RGS7BP: variants seen among roughly 807,000 people sequenced by gnomAD.
RGS7BP encodes regulator of G protein signaling 7 binding protein, also known as regulator of G protein signaling 7-binding protein.
RGS7BP carries 9 observed loss-of-function variants against 31.3 expected under a neutral mutation model. That is an observed-to-expected ratio of 0.29 (90% CI 0.17 to 0.50). The LOEUF (loss-of-function observed/expected upper bound fraction) is 0.50, where lower values mean the gene tolerates loss of function less well. RGS7BP is among the 20% of genes least tolerant of loss of function. RGS7BP has a pLI of 0.98. For missense variants in RGS7BP, 274 were observed against 322.0 expected, an observed-to-expected ratio of 0.85 and a Z score of 1.14; for synonymous variants, 115 against 120.1, an observed-to-expected ratio of 0.96 and a Z score of 0.28.
chr5:64,588,899 C>T (rs952259685), intron 3 of RGS7BP, among the ~76,000 whole-genome samples: 1 of 151,716 alleles, frequency 6.6e-6, no homozygotes, highest in Admixed American at 6.6e-5. Flanking sequence ...AATTGATAAT[C>T]AAGAAAAATA....
At chr5:64,579,549 A>C (rs1322914260) in intron 3 of RGS7BP, among the ~76,000 whole-genome samples, 1 of 147,876 alleles carries the variant, frequency 6.8e-6, no homozygotes. Context: ...ATCTCAAAAA[A>C]AAAAAAAAAA....
intron 2 of RGS7BP, among the ~76,000 whole-genome samples, chr5:64,534,245 G>T (rs1749448298): frequency 7.4e-6 from 1 of 135,362 alleles, no homozygotes; most frequent in South Asian, 2.5e-4. Context: ...TCCAGAGCCT[G>T]ACAGACTGGA....
chr5:64,593,597 C>T (rs1195740499), intron 3 of RGS7BP, among the ~76,000 whole-genome samples: 2 of 152,094 alleles, frequency 1.3e-5, no homozygotes, highest in African/African-American at 4.8e-5. Context: ...ATAATAGCTA[C>T]CCTTTTTTCC....
At chr5:64,576,452 T>C (rs1742433562) in intron 3 of RGS7BP, among the ~76,000 whole-genome samples, 1 of 152,184 alleles carries the variant, frequency 6.6e-6, no homozygotes, top group Non-Finnish European at 1.5e-5. Flanking sequence ...CCAGCTCCCA[T>C]TCTGAATGAT....
intron 2 of RGS7BP, among the ~76,000 whole-genome samples, chr5:64,527,603 C>G (rs1385902289): frequency 4.6e-5 from 1 of 21,682 alleles, no homozygotes; most frequent in Non-Finnish European, 8.7e-5. Flanking sequence ...TTGCTTATAA[C>G]AGTAAAAAAA....
intron 2 of RGS7BP, among the ~76,000 whole-genome samples, chr5:64,574,084 A>T (rs1253872750): frequency 6.6e-6 from 1 of 152,158 alleles, no homozygotes; most frequent in Non-Finnish European, 1.5e-5. Flanking sequence ...CCCTCCTTTT[A>T]GATTAAGACA....
At chr5:64,507,941 T>A (rs933142918) in intron 2 of RGS7BP, 64 bp downstream of exon 2, 1 of 1,393,338 alleles carries the variant, frequency 7.2e-7, no homozygotes. Flanking sequence ...CAGAATTTTA[T>A]GGTAGTCAAG....
At chr5:64,560,741 T>C (rs1742034190) in intron 2 of RGS7BP, among the ~76,000 whole-genome samples, 1 of 152,140 alleles carries the variant, frequency 6.6e-6, no homozygotes, top group South Asian at 2.1e-4. Context: ...GCATTAATAA[T>C]CTTCTCACTT....
At chr5:64,528,487 T>C (rs1442896356) in intron 2 of RGS7BP, among the ~76,000 whole-genome samples, 1 of 152,080 alleles carries the variant, frequency 6.6e-6, no homozygotes, top group Non-Finnish European at 1.5e-5. Context: ...CAGAGAATTA[T>C]CCCCTGTGAG....
chr5:64,506,862 A>C lies in RGS7BP; in HGVS notation c.165+73A>C. On this transcript the variant is annotated intron_variant, in intron 1 of 5. Transcript: ENST00000334025. This position sits in a 1 kb window ranked among gnomAD's most constrained non-coding sequence, Gnocchi z 4.6. ...GTGGGGGGAGTCATGTATGTTAATC[A>C]TTTGCCTGAGTGCCAGCCACTCCCC... 5.7e-6 allele frequency: 8 copies of C among 1,414,592 alleles called. No individual in the cohort carries two copies. Among genetic ancestry groups the C allele is most frequent in the Non-Finnish European group, 7.6e-6 (8 of 1,050,446 alleles). The allele number at this position is 1,414,592 out of a possible 1,614,324, so 87.6% of individuals were successfully genotyped here.
chr5:64,519,714 T>C (rs558841509), intron 2 of RGS7BP, among the ~76,000 whole-genome samples: 16 of 152,346 alleles, frequency 1.1e-4, no homozygotes, highest in African/African-American at 3.4e-4. Context: ...TTTGCACATA[T>C]AATTCATGTT....
chr5:64,547,602 A>G (rs1272717827), intron 2 of RGS7BP, among the ~76,000 whole-genome samples: 1 of 152,222 alleles, frequency 6.6e-6, no homozygotes, highest in Non-Finnish European at 1.5e-5. Context: ...AGAAATAAGT[A>G]ATTTAATTAT....
intron 2 of RGS7BP, among the ~76,000 whole-genome samples, chr5:64,518,816 T>A (rs1291128913): frequency 1.3e-5 from 2 of 152,120 alleles, no homozygotes; most frequent in African/African-American, 4.8e-5. Context: ...TCTCTGGGGC[T>A]TTTCCTCAAG....
At chr5:64,585,812 AG>A (rs1227341987) in intron 3 of RGS7BP, among the ~76,000 whole-genome samples, 1 of 152,184 alleles carries the variant, frequency 6.6e-6, no homozygotes. Flanking sequence ...GAAGGCTAAA[AG>A]CTTTGCAAGA....
intron 3 of RGS7BP, among the ~76,000 whole-genome samples, chr5:64,580,031 T>C (rs1742547013): frequency 6.6e-6 from 1 of 152,210 alleles, no homozygotes. Flanking sequence ...CTCTAGTTAA[T>C]ACACAAGTAT....
intron 2 of RGS7BP, among the ~76,000 whole-genome samples, chr5:64,560,241 G>C (rs1180077683): frequency 6.6e-6 from 1 of 152,080 alleles, no homozygotes; most frequent in Non-Finnish European, 1.5e-5. Flanking sequence ...GACTAACCCA[G>C]TGGTTTTCAA....
Position 64,612,106 on chromosome 5 carries a change from A to T in RGS7BP, c.*2854A>T, listed in dbSNP as rs1393353681. 6.6e-6 allele frequency: 1 copy of T among 152,260 alleles called. No individual in the cohort carries two copies. The highest frequency in any genetic ancestry group is 6.6e-5 in the Admixed American group (1 of 15,204). 9.4% of individuals were successfully genotyped at this position (152,260 alleles called of 1,614,324 possible). On this transcript the variant is annotated 3_prime_UTR_variant, in exon 6 of 6. Transcript: ENST00000334025. Reference sequence around the variant, plus strand: ...TTGATTTTTTTTTCAAATTACAAAGACAATACATGTTCTTTGTGGGAAATC... The same window carrying T: ...TTGATTTTTTTTTCAAATTACAAAGTCAATACATGTTCTTTGTGGGAAATC...
At chr5:64,523,288 G>T (rs1347444335) in intron 2 of RGS7BP, among the ~76,000 whole-genome samples, 1 of 152,150 alleles carries the variant, frequency 6.6e-6, no homozygotes, top group Non-Finnish European at 1.5e-5. Context: ...TGCCACCCAG[G>T]CTTCATTGTT....
At chr5:64,593,494 TG>T (rs1214299634) in intron 3 of RGS7BP, among the ~76,000 whole-genome samples, 1 of 152,294 alleles carries the variant, frequency 6.6e-6, no homozygotes, top group East Asian at 1.9e-4. Flanking sequence ...GAATATTCAG[TG>T]ATATGGGCTG....
Sources: allele counts gnomAD v4.1 joint callset (sites outside exome capture counted in the v4.1 genomes callset), GRCh38; gene constraint gnomAD v4.1.1; non-coding constraint Gnocchi (gnomAD v3.1); transcripts MANE v1.5; gene names NCBI Gene and HGNC (gene_info 2026-07-23, HGNC 2026-07-21).